The following THBS4 variants were observed in gnomAD, a reference collection of about 807,000 sequenced individuals.
THBS4 encodes the protein thrombospondin 4.
A neutral mutation model predicts 115.7 loss-of-function variants in THBS4; 90 were observed. The observed-to-expected ratio is 0.78, with a 90% confidence interval of 0.66 to 0.93. THBS4 has a LOEUF of 0.93. THBS4 is among the 40% of genes least tolerant of loss of function. The pLI is 0.00. For missense variants in THBS4, 1,087 were observed against 1,232.7 expected, an observed-to-expected ratio of 0.88 and a Z score of 1.77; for synonymous variants, 460 against 479.3, an observed-to-expected ratio of 0.96 and a Z score of 0.53.
At chr5:80,051,379 GAAAATGA>G (rs1210610873) in intron 2 of THBS4, among the ~76,000 whole-genome samples, 1 of 152,120 alleles carries the variant, frequency 6.6e-6, no homozygotes, top group Non-Finnish European at 1.5e-5. Flanking sequence ...CAATAAAAAA[GAAAATGA>G]AAAATGGAAG....
At chr5:80,042,199 T>C (rs1012355919) in intron 2 of THBS4, among the ~76,000 whole-genome samples, 3 of 152,146 alleles carry the variant, frequency 2.0e-5, no homozygotes, top group Non-Finnish European at 4.4e-5. Context: ...TCAGCCCTAA[T>C]GAGGGGGGAT....
At chr5:80,038,639 C>T (rs148707635) in intron 1 of THBS4, among the ~76,000 whole-genome samples, 66 of 152,208 alleles carry the variant, frequency 4.3e-4, no homozygotes, top group African/African-American at 1.6e-3. Context: ...TCAGGTTTAC[C>T]TCTCTTCCAA....
Position 80,078,468 on chromosome 5 carries a change from C to T in THBS4, c.2265+241C>T, listed in dbSNP as rs17880024. Among the ~76,000 whole-genome samples the T allele has an allele frequency of 5.6e-3, 851 of 152,308 alleles. 3 individuals carry two copies. Among genetic ancestry groups the T allele is most frequent in the African/African-American group, 0.02 (826 of 41,552 alleles). On this transcript the variant is annotated intron_variant, in intron 17 of 21. Coordinates refer to ENST00000350881, the MANE Select transcript of THBS4 (RefSeq NM_003248.6). ...ATGATGGTAGCACTGTGGTAAGTAGCTGAGATGACTGGAATTGGGACCCAG... is the reference window on the plus strand; with the variant it reads ...ATGATGGTAGCACTGTGGTAAGTAGTTGAGATGACTGGAATTGGGACCCAG...
intron 9 of THBS4, chr5:80,067,181 A>G (rs1490227009): frequency 6.6e-6 from 1 of 151,596 alleles, no homozygotes; most frequent in Non-Finnish European, 1.5e-5. Flanking sequence ...TGAAAAAGAA[A>G]AAAAGGAAGG....
chr5:80,055,990 A>G lies in THBS4; in HGVS notation c.498A>G (p.Lys166=), dbSNP rs751351037. 2 of 1,613,504 alleles carry G rather than the reference A, an allele frequency of 1.2e-6. No individual in the cohort carries two copies. The highest frequency in any genetic ancestry group is 1.3e-5 in the African/African-American group (1 of 75,038). ...LPRAFAGPSQ[K]PETIELRTFQ... ...GGGCCTTTGCTGGCCCCTCCCAGAAACCTGAGACCATTGAATTGAGGACTT... is the reference window on the plus strand; with the variant it reads ...GGGCCTTTGCTGGCCCCTCCCAGAAGCCTGAGACCATTGAATTGAGGACTT... Residue 166 remains lysine, a synonymous_variant, in exon 3 of 22, where the codon AAA becomes AAG. Transcript: ENST00000350881.
intron 1 of THBS4, among the ~76,000 whole-genome samples, chr5:79,994,909 TGCTTGGCA>T (rs1335238799): frequency 6.6e-6 from 1 of 152,224 alleles, no homozygotes; most frequent in Non-Finnish European, 1.5e-5. Context: ...TGTACTGCAA[TGCTTGGCA>T]AAGGCCTAAT....
Position 80,058,704 on chromosome 5 carries a change from A to G in THBS4, c.650-4A>G, listed in dbSNP as rs1393605740. ...AAACTCTTTGCCTTTTGCTGTTCCTACAGGGGACTTTAACCGGCAGTTCTT... is the reference window on the plus strand; with the variant it reads ...AAACTCTTTGCCTTTTGCTGTTCCTGCAGGGGACTTTAACCGGCAGTTCTT... On this transcript the variant is annotated splice_polypyrimidine_tract_variant and splice_region_variant and intron_variant, in intron 4 of 21. Coordinates refer to ENST00000350881, the MANE Select transcript of THBS4 (RefSeq NM_003248.6). 18 of 1,614,114 alleles carry G rather than the reference A, an allele frequency of 1.1e-5. 1 individual carries two copies. Among genetic ancestry groups the G allele is most frequent in the African/African-American group, 9.3e-5 (7 of 75,034 alleles).
rs576244200 is a variant in THBS4, at chr5:80,023,904, C to T, written n.178-16173C>T. Among the ~76,000 whole-genome samples, 6 of 152,202 alleles carry T rather than the reference C, an allele frequency of 3.9e-5. No homozygotes were observed. The East Asian group carries it at 5.8e-4, about 15-fold the overall frequency. The stretch of plus-strand genomic sequence containing the variant: ...AATCCATCCCACGAGAGTAAGAACT[C>T]GCTCACCTTTGTGGAAGGGCATTAA... On this transcript the variant is annotated intron_variant and non_coding_transcript_variant, in intron 2 of 3. Transcript: ENST00000510218.
intron 4 of THBS4, 143 bp from the exon 5 acceptor site, chr5:80,058,565 G>C: frequency 1.3e-6 from 1 of 746,590 alleles, no homozygotes; most frequent in African/African-American, 1.8e-5. Context: ...CTGAATTAAA[G>C]AAATTACCCC....
At chr5:80,021,366 C>T (rs1217803727) in intron 2 of THBS4, among the ~76,000 whole-genome samples, 1 of 152,102 alleles carries the variant, frequency 6.6e-6, no homozygotes, top group Non-Finnish European at 1.5e-5. Flanking sequence ...CAATGCTAGT[C>T]TTATCACTAA....
intron 20 of THBS4, among the ~76,000 whole-genome samples, chr5:80,081,785 A>G (rs943571326): frequency 6.6e-6 from 1 of 152,138 alleles, no homozygotes; most frequent in Admixed American, 6.5e-5. Flanking sequence ...TCTGAGGAAC[A>G]CTCCAGAAGT....
intron 2 of THBS4, among the ~76,000 whole-genome samples, chr5:80,024,875 G>A (rs1437824530): frequency 6.6e-6 from 1 of 152,162 alleles, no homozygotes; most frequent in Non-Finnish European, 1.5e-5. Context: ...TCTCCCTAAG[G>A]CAGTGCAGGC....
At chr5:80,039,974 C>A in intron 1 of THBS4, 103 bp from the exon 2 acceptor site, 1 of 1,013,290 alleles carries the variant, frequency 9.9e-7, no homozygotes, top group Non-Finnish European at 1.5e-6. Flanking sequence ...GTTTACATTA[C>A]TTTGTAGCTT....
intron 5 of THBS4, 137 bp downstream of exon 5, chr5:80,058,927 C>T (rs1167534366): frequency 1.5e-5 from 11 of 747,714 alleles, no homozygotes; most frequent in East Asian, 8.0e-5. Context: ...CAGCCCCGCA[C>T]GCCAGGGCTC....
chr5:79,997,589 C>T (rs1306437181), intron 1 of THBS4, among the ~76,000 whole-genome samples: 1 of 152,098 alleles, frequency 6.6e-6, no homozygotes, highest in Non-Finnish European at 1.5e-5. Flanking sequence ...ACCCGACACT[C>T]AGCAATTGAT....
intron 1 of THBS4, among the ~76,000 whole-genome samples, chr5:79,994,015 A>G (rs939774569): frequency 4.6e-5 from 7 of 152,354 alleles, no homozygotes; most frequent in East Asian, 1.9e-4. Flanking sequence ...GCTTGGGCCA[A>G]TCATTTTACA....
chr5:80,058,586 C>A (rs1833510929), intron 4 of THBS4, 122 bp from the exon 5 acceptor site: 1 of 858,956 alleles, frequency 1.2e-6, no homozygotes, highest in Non-Finnish European at 1.9e-6. Context: ...AAATTAAATT[C>A]AAAGATTCTG....
intron 2 of THBS4, among the ~76,000 whole-genome samples, chr5:80,002,623 C>T (rs1831924682): frequency 6.6e-6 from 1 of 150,866 alleles, no homozygotes; most frequent in African/African-American, 2.4e-5. Context: ...GTGCAGAGTG[C>T]AGGGAGAGAG....
intron 1 of THBS4, among the ~76,000 whole-genome samples, chr5:80,039,671 G>T (rs1832830580): frequency 6.6e-6 from 1 of 152,184 alleles, no homozygotes; most frequent in Admixed American, 6.5e-5. Context: ...GTGCCTATGG[G>T]ACTCCGTGAC....
Sources: gnomAD v4.1 joint callset for allele counts (sites outside exome capture counted in the v4.1 genomes callset) on GRCh38, gnomAD v4.1.1 for gene constraint, MANE v1.5 for transcripts, NCBI Gene and HGNC (gene_info 2026-07-23, HGNC 2026-07-21) for gene names.